Variants in FBXW7 observed in about 807,000 individuals in gnomAD.
FBXW7 encodes the protein F-box and WD repeat domain containing 7.
FBXW7 carries 11 observed loss-of-function variants against 86.3 expected under a neutral mutation model. The ratio of observed to expected loss-of-function variants is 0.13; its 90% CI spans 0.08 to 0.21. The LOEUF is 0.21. Ranked by LOEUF, FBXW7 falls within the 10% of genes least tolerant of loss-of-function variation. FBXW7 has a pLI of 1.00. For synonymous variants in FBXW7, 313 were observed against 297.9 expected (o/e 1.05, Z -0.52); for missense variants, 488 against 847.4 (o/e 0.58, Z 5.27).
At chr4:152,439,957 C>A (rs1272368519) in intron 2 of FBXW7, among the ~76,000 whole-genome samples, 1 of 151,730 alleles carries the variant, frequency 6.6e-6, no homozygotes, top group African/African-American at 2.4e-5. Context: ...TGGGGTAAAC[C>A]AATCTGCACT....
intron 4 of FBXW7, among the ~76,000 whole-genome samples, chr4:152,365,168 G>GA (rs576533880): frequency 9.6e-4 from 146 of 152,222 alleles, no homozygotes; most frequent in African/African-American, 3.3e-3. Context: ...AGCAGGGAGG[G>GA]ATAACCACCT....
chr4:152,356,439 A>T (rs528294644), intron 4 of FBXW7, among the ~76,000 whole-genome samples: 1 of 152,178 alleles, frequency 6.6e-6, no homozygotes, highest in African/African-American at 2.4e-5. Flanking sequence ...AACATTTAAA[A>T]ATACACTTCC....
chr4:152,466,758 T>C (rs928906135), intron 2 of FBXW7, among the ~76,000 whole-genome samples: 1 of 151,774 alleles, frequency 6.6e-6, no homozygotes, highest in Non-Finnish European at 1.5e-5. Context: ...CTGGCTAACA[T>C]GGTGACATGC....
intron 2 of FBXW7, among the ~76,000 whole-genome samples, chr4:152,455,296 T>A (rs1288548320): frequency 6.6e-6 from 1 of 152,198 alleles, no homozygotes; most frequent in Non-Finnish European, 1.5e-5. Flanking sequence ...AGGACGGAAT[T>A]CAGGTAAACT....
intron 9 of FBXW7, 89 bp downstream of exon 9, chr4:152,330,643 G>T: frequency 8.9e-7 from 1 of 1,128,062 alleles, no homozygotes; most frequent in Non-Finnish European, 1.2e-6. Flanking sequence ...GAAGAGGAGT[G>T]TCATATTATA....
At chr4:152,341,327 C>T (rs951453124) in intron 6 of FBXW7, among the ~76,000 whole-genome samples, 4 of 152,184 alleles carry the variant, frequency 2.6e-5, no homozygotes, top group African/African-American at 9.7e-5. Context: ...GCACACTCAG[C>T]TTCACAGCAT....
intron 5 of FBXW7, 40 bp from the exon 6 acceptor site, chr4:152,347,111 GAA>G: frequency 6.4e-7 from 1 of 1,555,650 alleles, no homozygotes. Context: ...AGGATAAAAG[GAA>G]AAAAACAAAA....
chr4:152,348,932 A>C (rs1384311913), intron 5 of FBXW7: 1 of 155,912 alleles, frequency 6.4e-6, no homozygotes, highest in Admixed American at 6.5e-5. Flanking sequence ...GAAAAATCAC[A>C]CCGAAAAGCA....
chr4:152,511,661 T>C (rs1229117651), intron 2 of FBXW7, among the ~76,000 whole-genome samples: 1 of 152,074 alleles, frequency 6.6e-6, no homozygotes, highest in Non-Finnish European at 1.5e-5. Context: ...AACAATAGCA[T>C]ATTCATCACA....
chr4:152,466,809 G>A (rs537081657), intron 2 of FBXW7, among the ~76,000 whole-genome samples: 1 of 152,008 alleles, frequency 6.6e-6, no homozygotes, highest in South Asian at 2.1e-4. Context: ...AGGCGCGGTG[G>A]CGGGCACCTG....
chr4:152,330,713 T>C lies in FBXW7; in HGVS notation c.1122+19A>G, dbSNP rs568405767. 1.9e-6 allele frequency: 3 copies of C among 1,608,038 alleles called. No homozygotes were observed. Among genetic ancestry groups the C allele is most frequent in the African/African-American group, 2.7e-5 (2 of 74,740 alleles). ...ACACTGATTAACGGTTTCTGTTACA[T>C]TGTGCAGAGTTCAGTTACCTTAGGA... On this transcript the variant is annotated intron_variant, in intron 9 of 13. Transcript: ENST00000281708.
rs1159730994 is a variant in FBXW7 at position 152,353,086 on chromosome 4, T to C, written c.502-2962A>G. 3.8e-6 allele frequency: 3 copies of C among 796,904 alleles called. No individual in the cohort carries two copies. The South Asian group carries it at 1.5e-4, about 41-fold the overall frequency. 49.4% of individuals were successfully genotyped at this position (796,904 alleles called of 1,614,324 possible). A position where few individuals can be genotyped will look rare whatever the true frequency, so the allele number is the denominator to read the frequency against. Reference sequence around the variant, plus strand: ...TTGTAAAACCTGCATTTTTGAAGAGTTTTAAATAGCAAGGAACATTTCCAC... The same window carrying C: ...TTGTAAAACCTGCATTTTTGAAGAGCTTTAAATAGCAAGGAACATTTCCAC... On this transcript the variant is annotated intron_variant, in intron 4 of 13. Coordinates refer to ENST00000281708, the MANE Select transcript of FBXW7 (RefSeq NM_001349798.2).
intron 2 of FBXW7, among the ~76,000 whole-genome samples, chr4:152,414,417 C>G (rs1436595457): frequency 6.6e-6 from 1 of 152,016 alleles, no homozygotes; most frequent in African/African-American, 2.4e-5. Flanking sequence ...CTGCAGATCT[C>G]AACTGGAAAT....
intron 4 of FBXW7, among the ~76,000 whole-genome samples, chr4:152,360,415 T>G (rs910206290): frequency 6.6e-6 from 1 of 152,082 alleles, no homozygotes; most frequent in Admixed American, 6.6e-5. Context: ...CCAGAAAAAG[T>G]TAATGAAAAA....
chr4:152,361,229 T>C (rs142131418), intron 4 of FBXW7, among the ~76,000 whole-genome samples: 1,572 of 152,274 alleles, frequency 0.01, 51 homozygotes, highest in Admixed American at 0.062. Context: ...GTGTTTGACA[T>C]AGCTGTCAAG....
intron 2 of FBXW7, among the ~76,000 whole-genome samples, chr4:152,465,633 C>G (rs1269591600): frequency 6.6e-6 from 1 of 152,012 alleles, no homozygotes; most frequent in Non-Finnish European, 1.5e-5. Flanking sequence ...TACCTGAGGT[C>G]AGGAGTTAGA....
At chr4:152,362,929 GATTAAA>G (rs749236547) in intron 4 of FBXW7, among the ~76,000 whole-genome samples, 3 of 150,684 alleles carry the variant, frequency 2.0e-5, no homozygotes, top group East Asian at 2.0e-4. Flanking sequence ...AAACAGCAAA[GATTAAA>G]ATTAAGTGGT....
At chr4:152,432,221 T>C (rs1739960000) in intron 2 of FBXW7, among the ~76,000 whole-genome samples, 1 of 152,186 alleles carries the variant, frequency 6.6e-6, no homozygotes, top group African/African-American at 2.4e-5. Context: ...AACTGTCACC[T>C]TGCCTGTTGA....
At chr4:152,407,639 T>A (rs1353883382) in intron 4 of FBXW7, among the ~76,000 whole-genome samples, 1 of 152,200 alleles carries the variant, frequency 6.6e-6, no homozygotes, top group East Asian at 1.9e-4. Flanking sequence ...TCCTATTACC[T>A]GATTCCTCTA....
Sources: gnomAD v4.1 joint callset for allele counts (sites outside exome capture counted in the v4.1 genomes callset) on GRCh38, gnomAD v4.1.1 for gene constraint, MANE v1.5 for transcripts, NCBI Gene and HGNC (gene_info 2026-07-23, HGNC 2026-07-21) for gene names.